The following CACNA1D variants were observed in gnomAD, a reference collection of about 807,000 sequenced individuals.
CACNA1D encodes the protein voltage-dependent L-type calcium channel subunit alpha-1D.
Under a neutral mutation model 257.1 loss-of-function variants are expected in CACNA1D, and 55 were observed. That is an observed-to-expected ratio of 0.21 (90% CI 0.17 to 0.27). CACNA1D has a LOEUF of 0.27. Among genes scored for constraint, CACNA1D ranks in the 10% least tolerant of loss-of-function variants. The probability of loss-of-function intolerance (pLI) is 1.00; values close to 1 mark genes in which losing one functional copy is unlikely to be tolerated. For synonymous variants in CACNA1D, 980 were observed against 1,014.9 expected (o/e 0.97, Z 0.65); for missense variants, 1,876 against 2,784.0 (o/e 0.67, Z 7.34).
chr3:53,777,869 T>C (rs1409211200), intron 37 of CACNA1D, among the ~76,000 whole-genome samples: 15 of 152,188 alleles, frequency 9.9e-5, no homozygotes, highest in Admixed American at 9.8e-4. Flanking sequence ...ACAAAAAAGA[T>C]TTTCCTTTTT....
At chr3:53,667,841 ATGTGTG>A (rs61605595) in intron 7 of CACNA1D, among the ~76,000 whole-genome samples, 2 of 149,902 alleles carry the variant, frequency 1.3e-5, no homozygotes, top group Non-Finnish European at 1.5e-5. Context: ...GTGTGTATGC[ATGTGTG>A]TGTGTGTGTG....
At chr3:53,731,815 C>T (rs1170065486) in intron 17 of CACNA1D, among the ~76,000 whole-genome samples, 1 of 152,222 alleles carries the variant, frequency 6.6e-6, no homozygotes, top group Non-Finnish European at 1.5e-5. Context: ...CAGGGTTCAG[C>T]CTTCTTCTCA....
At chr3:53,611,849 A>C (rs951096212) in intron 3 of CACNA1D, among the ~76,000 whole-genome samples, 3 of 152,222 alleles carry the variant, frequency 2.0e-5, no homozygotes, top group Non-Finnish European at 4.4e-5. Flanking sequence ...GGTCTGTTAC[A>C]ATCACACAAC....
At chr3:53,560,104 G>C (rs1479774737) in intron 3 of CACNA1D, among the ~76,000 whole-genome samples, 1 of 148,662 alleles carries the variant, frequency 6.7e-6, no homozygotes, top group Non-Finnish European at 1.5e-5. Flanking sequence ...AGAAAATGAG[G>C]GTTCTCTTCA....
chr3:53,538,034 G>C (rs1169734786), intron 3 of CACNA1D, among the ~76,000 whole-genome samples: 1 of 147,932 alleles, frequency 6.8e-6, no homozygotes, highest in Non-Finnish European at 1.5e-5. Flanking sequence ...TGTAGATCAA[G>C]TCATTCCTTA....
At chr3:53,781,858 C>G in intron 39 of CACNA1D, 191 bp downstream of exon 39, 2 of 611,466 alleles carry the variant, frequency 3.3e-6, no homozygotes. Flanking sequence ...ACATTCCAGA[C>G]AAAGGAGAGG....
intron 3 of CACNA1D, among the ~76,000 whole-genome samples, chr3:53,603,995 G>T (rs1249301586): frequency 2.0e-5 from 3 of 152,204 alleles, no homozygotes; most frequent in Non-Finnish European, 4.4e-5. Context: ...CCTGACAGCA[G>T]GTATCTACAT....
chr3:53,695,450 G>A (rs1265182464), intron 8 of CACNA1D, among the ~76,000 whole-genome samples: 1 of 152,102 alleles, frequency 6.6e-6, no homozygotes, highest in African/African-American at 2.4e-5. Flanking sequence ...CCCTCCTCCT[G>A]CCCCGCCCAG....
At chr3:53,700,806 G>A (rs970576900) in intron 8 of CACNA1D, among the ~76,000 whole-genome samples, 19 of 151,992 alleles carry the variant, frequency 1.3e-4, no homozygotes, top group Non-Finnish European at 2.6e-4. Context: ...CTGGAAAGTG[G>A]GGTGATTTAG....
At position 53,801,274 on chromosome 3, in the gene CACNA1D, T is replaced by C. The variant is rs1218558372; in HGVS notation, c.5257T>C (p.Ser1753Pro). The C allele has an allele frequency of 6.2e-7, 1 of 1,613,924 alleles. No individual in the cohort carries two copies. Among genetic ancestry groups the C allele is most frequent in the Non-Finnish European group, 8.5e-7 (1 of 1,180,012 alleles). ...TTCCATAGGAAAGCAAGTTCCCACC[T>C]CAACAAATGCCAATCTCAATAATGC... ...HNSIGKQVPT[S>P]TNANLNNANM... Residue 1753 changes from serine (S) to proline (P), a missense_variant, in exon 42 of 48, where the codon TCA (serine) becomes CCA (proline). Physicochemically the swap from Ser to Pro is moderately conservative, Grantham distance 74. This residue lies in a region of CACNA1D where 491 missense variants were observed against 554.3 expected (regional missense o/e 0.89). Transcript: ENST00000350061.
At chr3:53,581,764 G>A (rs539460228) in intron 3 of CACNA1D, among the ~76,000 whole-genome samples, 57 of 152,298 alleles carry the variant, frequency 3.7e-4, no homozygotes, top group African/African-American at 1.2e-3. Context: ...ATGTGCTGTT[G>A]TCTTGCCCAC....
chr3:53,709,646 G>A (rs1247824772), intron 9 of CACNA1D, among the ~76,000 whole-genome samples: 1 of 152,164 alleles, frequency 6.6e-6, no homozygotes, highest in African/African-American at 2.4e-5. Context: ...CACAGGGTCC[G>A]TACTCTAAAG....
At chr3:53,734,212 G>A (rs1010812531) in intron 19 of CACNA1D, among the ~76,000 whole-genome samples, 14 of 150,794 alleles carry the variant, frequency 9.3e-5, no homozygotes, top group East Asian at 1.9e-4. Flanking sequence ...GTGAGGGGTC[G>A]CCTTACATAA....
chr3:53,690,799 C>T (rs1445928943), intron 8 of CACNA1D, among the ~76,000 whole-genome samples: 1 of 152,212 alleles, frequency 6.6e-6, no homozygotes, highest in Non-Finnish European at 1.5e-5. Flanking sequence ...CAGATCCAGC[C>T]TCGAGCTTAT....
At chr3:53,524,194 G>A (rs2091680070) in intron 3 of CACNA1D, among the ~76,000 whole-genome samples, 3 of 152,244 alleles carry the variant, frequency 2.0e-5, no homozygotes, top group Admixed American at 2.0e-4. Context: ...AGTCAGGTTT[G>A]TGCTGAGAAT....
At chr3:53,773,824 T>C (rs2095380937) in intron 33 of CACNA1D, 1 of 152,220 alleles carries the variant, frequency 6.6e-6, no homozygotes, top group Non-Finnish European at 1.5e-5. Context: ...TTATCACATA[T>C]GTTCTCATAA....
chr3:53,532,917 C>T (rs139838699), intron 3 of CACNA1D, among the ~76,000 whole-genome samples: 477 of 152,228 alleles, frequency 3.1e-3, no homozygotes, highest in Non-Finnish European at 5.4e-3. Context: ...GCTCCGGGAC[C>T]CCTGACTGAA....
intron 3 of CACNA1D, among the ~76,000 whole-genome samples, chr3:53,582,173 G>A: frequency 6.6e-6 from 1 of 151,956 alleles, no homozygotes; most frequent in East Asian, 1.9e-4. Context: ...CTTTCTCTTG[G>A]TGGTTCTTGC....
At chr3:53,539,514 C>T (rs2092237468) in intron 3 of CACNA1D, among the ~76,000 whole-genome samples, 1 of 152,204 alleles carries the variant, frequency 6.6e-6, no homozygotes, top group African/African-American at 2.4e-5. Flanking sequence ...ACAATCTATC[C>T]ATTCTGCTAT....
Sources: allele counts gnomAD v4.1 joint callset (sites outside exome capture counted in the v4.1 genomes callset), GRCh38; gene constraint gnomAD v4.1.1; regional missense constraint gnomAD v4.1.1; transcripts MANE v1.5; gene names NCBI Gene and HGNC (gene_info 2026-07-23, HGNC 2026-07-21).